The following MTHFSD variants were observed in gnomAD, a reference collection of about 807,000 sequenced individuals.
MTHFSD encodes the protein methenyltetrahydrofolate synthetase domain containing.
A neutral mutation model predicts 31.1 loss-of-function variants in MTHFSD; 37 were observed. The ratio of observed to expected loss-of-function variants is 1.19; its 90% CI spans 0.91 to 1.56. MTHFSD has a LOEUF of 1.56. Among genes scored for constraint, MTHFSD ranks in the 40% most tolerant of loss-of-function variants. The probability of loss-of-function intolerance (pLI) is 0.00; values close to 1 mark genes in which losing one functional copy is unlikely to be tolerated. For missense variants in MTHFSD, 664 were observed against 510.1 expected, an observed-to-expected ratio of 1.30 and a Z score of -2.91; for synonymous variants, 221 against 206.9, an observed-to-expected ratio of 1.07 and a Z score of -0.59.
intron 4 of MTHFSD, 97 bp from the exon 5 acceptor site, chr16:86,546,746 T>G: frequency 9.2e-7 from 1 of 1,082,544 alleles, no homozygotes; most frequent in Non-Finnish European, 1.4e-6. Flanking sequence ...AATCAACCTC[T>G]TGGACAAAAC....
At position 86,542,877 on chromosome 16, in the gene MTHFSD, A is replaced by C. The variant is rs549661311; in HGVS notation, c.443-664T>G. Among the ~76,000 whole-genome samples the C allele has an allele frequency of 1.1e-3, 163 of 152,332 alleles. No individual in the cohort carries two copies. The highest frequency in any genetic ancestry group is 3.6e-3 in the African/African-American group (150 of 41,588). On this transcript the variant is annotated intron_variant, in intron 5 of 7. Coordinates refer to ENST00000360900, the MANE Select transcript of MTHFSD (RefSeq NM_001159377.2). This position sits in a 1 kb window ranked among gnomAD's most constrained non-coding sequence, Gnocchi z 4.6. The stretch of plus-strand genomic sequence containing the variant: ...AAATGCAGGAAGACAGGATACATCA[A>C]ATGCCTTCTGGCCCCCATGGAGAAG...
intron 7 of MTHFSD, among the ~76,000 whole-genome samples, chr16:86,536,517 G>C (rs1433343899): frequency 6.6e-6 from 1 of 152,198 alleles, no homozygotes; most frequent in Admixed American, 6.5e-5. Context: ...GCTTCGACTG[G>C]GAGTGCTGAC....
intron 3 of MTHFSD, among the ~76,000 whole-genome samples, chr16:86,551,200 G>A (rs775252082): frequency 6.6e-6 from 1 of 152,152 alleles, no homozygotes; most frequent in Non-Finnish European, 1.5e-5. Context: ...TTTATACCAA[G>A]TTTTATGTTT....
At chr16:86,541,649 G>A in intron 7 of MTHFSD, 48 bp downstream of exon 7, 2 of 1,588,390 alleles carry the variant, frequency 1.3e-6, no homozygotes, top group Non-Finnish European at 1.7e-6. Context: ...CTTAAAAGAG[G>A]AGGAGCCGCT....
At position 86,554,627 on chromosome 16, in the gene MTHFSD, C is replaced by G. The variant is rs763212912; in HGVS notation, c.123+18G>C. 1.6e-5 allele frequency: 25 copies of G among 1,582,978 alleles called. No homozygotes were observed. The Admixed American group carries it at 4.1e-4, about 26-fold the overall frequency. ...ATATTTTGTTTTCCTTTTCTGGACT[C>G]CAGAAATATGTCAGTACCTTAAAGT... On this transcript the variant is annotated intron_variant, in intron 2 of 7. Transcript: ENST00000360900.
At chr16:86,544,495 C>T (rs1043859233) in intron 5 of MTHFSD, among the ~76,000 whole-genome samples, 1 of 152,206 alleles carries the variant, frequency 6.6e-6, no homozygotes, top group Non-Finnish European at 1.5e-5. Flanking sequence ...CATCACTGAT[C>T]ATTAGAGGAA....
intron 4 of MTHFSD, chr16:86,548,207 C>A: frequency 9.4e-7 from 1 of 1,065,542 alleles, no homozygotes; most frequent in Non-Finnish European, 1.3e-6. Flanking sequence ...CCCGTCTTCC[C>A]TTTTCTTACA....
At chr16:86,550,820 C>A (rs941909761) in intron 3 of MTHFSD, among the ~76,000 whole-genome samples, 1 of 152,242 alleles carries the variant, frequency 6.6e-6, no homozygotes, top group Non-Finnish European at 1.5e-5. Flanking sequence ...TCTCTTGGGG[C>A]TGAACCACCA....
At chr16:86,541,857 G>A in intron 6 of MTHFSD, 35 bp from the exon 7 acceptor site, 1 of 1,611,164 alleles carries the variant, frequency 6.2e-7, no homozygotes, top group Non-Finnish European at 8.5e-7. Context: ...GGGGCTGCTG[G>A]GAATGCCACT....
chr16:86,533,557 T>C (rs866181891), intron 7 of MTHFSD: 6 of 152,174 alleles, frequency 3.9e-5, no homozygotes, highest in African/African-American at 1.4e-4. Flanking sequence ...CAACTGTAAA[T>C]TGTTCTACAA....
At chr16:86,550,949 G>A (rs1973058945) in intron 3 of MTHFSD, among the ~76,000 whole-genome samples, 1 of 152,186 alleles carries the variant, frequency 6.6e-6, no homozygotes, top group African/African-American at 2.4e-5. Flanking sequence ...CAACTTGGGT[G>A]GGAGAATGGA....
chr16:86,549,833 T>A (rs572042674), intron 3 of MTHFSD, among the ~76,000 whole-genome samples: 2 of 152,228 alleles, frequency 1.3e-5, no homozygotes, highest in African/African-American at 4.8e-5. Context: ...GGAGTACTGA[T>A]TGAACAGAAT....
rs189782818 is a variant in MTHFSD at position 86,550,497 on chromosome 16, C to G, written c.237+1536G>C. 8.5e-5 allele frequency among the ~76,000 whole-genome samples: 13 copies of G among 152,296 alleles called. No homozygotes were observed. In the East Asian group the frequency reaches 2.3e-3, roughly 27 times the overall value. On this transcript the variant is annotated intron_variant, in intron 3 of 7. Coordinates refer to ENST00000360900, the MANE Select transcript of MTHFSD (RefSeq NM_001159377.2). ...AACTTCACACTTGCAAGGACTGGCTCTGGAGTCAGGTGGCTGAGTCAGAAT... is the reference window on the plus strand; with the variant it reads ...AACTTCACACTTGCAAGGACTGGCTGTGGAGTCAGGTGGCTGAGTCAGAAT...
In MTHFSD at chr16:86,532,103, C is replaced by A; in HGVS notation, c.1060G>T (p.Ala354Ser). The A allele has an allele frequency of 6.5e-7, 1 of 1,538,622 alleles. No individual in the cohort carries two copies. ...RAFLHYPDSA[A>S]AQQAVSCLQG... The stretch of plus-strand genomic sequence containing the variant: ...AAGCAGGAGACGGCCTGCTGGGCTG[C>A]GGCAGAGTCCGGGTAATGGAGGAAG... The change falls in exon 8 of 8, where the codon GCA becomes TCA. Residue 354 changes from alanine (A) to serine (S), a missense_variant. By Grantham distance (99) the Ala-to-Ser change is moderately conservative (BLOSUM62 1). Coordinates refer to ENST00000360900, the MANE Select transcript of MTHFSD (RefSeq NM_001159377.2).
At chr16:86,547,659 TTCTC>T (rs894260605) in intron 4 of MTHFSD, 2 of 540,602 alleles carry the variant, frequency 3.7e-6, no homozygotes, top group Non-Finnish European at 2.4e-6. Context: ...CTTTGCTCCT[TTCTC>T]TCTCTATATA....
At chr16:86,549,091 G>T (rs921084819) in intron 3 of MTHFSD, among the ~76,000 whole-genome samples, 13 of 152,196 alleles carry the variant, frequency 8.5e-5, no homozygotes, top group Non-Finnish European at 5.9e-5. Context: ...ACACTGATAC[G>T]TGCCAATAGC....
At position 86,532,422 on chromosome 16, in the gene MTHFSD, C is replaced by A; in HGVS notation, c.741G>T (p.Gln247His). 1 of 1,490,516 alleles carries A rather than the reference C, an allele frequency of 6.7e-7. No homozygotes were observed. Among genetic ancestry groups the A allele is most frequent in the Non-Finnish European group, 8.9e-7 (1 of 1,119,816 alleles). 92.3% of individuals were successfully genotyped at this position (1,490,516 alleles called of 1,614,324 possible). A position where few individuals can be genotyped will look rare whatever the true frequency, so the allele number is the denominator to read the frequency against. The change falls in exon 8 of 8, where the codon CAG becomes CAT. Residue 247 changes from glutamine (Q) to histidine (H), a missense_variant. Transcript: ENST00000360900. ...GGAGGGTGACATCCTTCCCAGCCTG[C>A]TGCTCTCGGGCGCGGAGGCTCCTCA... ...PILRSLRARE[Q>H]QAGKDVTLQG... is the part of the protein sequence containing the mutation.
At position 86,542,513 on chromosome 16, in the gene MTHFSD, G is replaced by A. The variant is rs995489437; in HGVS notation, c.443-300C>T. On this transcript the variant is annotated intron_variant, in intron 5 of 7. Coordinates refer to ENST00000360900, the MANE Select transcript of MTHFSD (RefSeq NM_001159377.2). This position sits in a 1 kb window ranked among gnomAD's most constrained non-coding sequence, Gnocchi z 4.6. ...CAGATCACACTCATGTCAGCTTTAT[G>A]TTAGCAAGACTCATACTTAAAAAGA... The A allele has an allele frequency of 1.6e-5, 5 of 309,182 alleles. No individual in the cohort carries two copies. In the Admixed American group the frequency reaches 1.9e-4, roughly 12 times the overall value. The allele number at this position is 309,182 out of a possible 1,614,324, so 19.2% of individuals were successfully genotyped here.
intron 7 of MTHFSD, chr16:86,532,718 G>T: frequency 2.8e-6 from 1 of 357,534 alleles, no homozygotes; most frequent in Non-Finnish European, 5.0e-6. Flanking sequence ...ACTCACGGGG[G>T]CTCTGGAGCG....
Sources: allele counts gnomAD v4.1 joint callset (sites outside exome capture counted in the v4.1 genomes callset), GRCh38; gene constraint gnomAD v4.1.1; non-coding constraint Gnocchi (gnomAD v3.1); transcripts MANE v1.5; gene names NCBI Gene and HGNC (gene_info 2026-07-23, HGNC 2026-07-21).